Variants in ZNF423 observed in about 807,000 individuals in gnomAD.
ZNF423 encodes the protein Ebf-associated zinc finger protein.
In ZNF423, 12 loss-of-function variants were observed where a neutral mutation model predicts 95.8. The ratio of observed to expected loss-of-function variants is 0.13; its 90% confidence interval spans 0.08 to 0.20. The LOEUF (loss-of-function observed/expected upper bound fraction) is 0.20, where lower values mean the gene tolerates loss of function less well. ZNF423 is among the 10% of genes least tolerant of loss of function. ZNF423 has a pLI of 1.00. For synonymous variants in ZNF423, 749 were observed against 711.9 expected, an observed-to-expected ratio of 1.05 and a Z score of -0.83; for missense variants, 1,316 against 1,737.1, an observed-to-expected ratio of 0.76 and a Z score of 4.31.
rs1419556004 is a variant in ZNF423 at position 49,855,537 on chromosome 16, C to CGCT, written c.40+197_40+198insAGC. Among the ~76,000 whole-genome samples the CGCT allele has an allele frequency of 2.0e-5, 3 of 148,678 alleles. No homozygotes were observed. Among genetic ancestry groups the CGCT allele is most frequent in the African/African-American group, 7.5e-5 (3 of 40,152 alleles). On this transcript the variant is annotated intron_variant, in intron 1 of 7. Transcript: ENST00000563137. The surrounding 1 kb of genome is among the most constrained non-coding windows in gnomAD (Gnocchi z 4.7). ...CCGCCGCCGCCGCCGCCGCCGCCGC[C>CGCT]TCCGCCTCCTGCTCCCGGCTTCCTC...
At chr16:49,721,200 A>G (rs1273163892) in intron 3 of ZNF423, among the ~76,000 whole-genome samples, 2 of 152,154 alleles carry the variant, frequency 1.3e-5, no homozygotes, top group South Asian at 2.1e-4. Flanking sequence ...CTGCTTGTCA[A>G]TTTGAGCCAA....
At chr16:49,786,660 G>T (rs913985522) in intron 2 of ZNF423, among the ~76,000 whole-genome samples, 1 of 152,246 alleles carries the variant, frequency 6.6e-6, no homozygotes, top group African/African-American at 2.4e-5. Flanking sequence ...ATGCCAAGTG[G>T]TGCAGAGGTG....
chr16:49,519,653 C>T (rs1968306075), intron 7 of ZNF423, among the ~76,000 whole-genome samples: 1 of 152,208 alleles, frequency 6.6e-6, no homozygotes, highest in Non-Finnish European at 1.5e-5. Flanking sequence ...ATGTGATTTG[C>T]AAATATTTTC....
At chr16:49,627,072 C>G (rs1465156691) in intron 4 of ZNF423, among the ~76,000 whole-genome samples, 1 of 131,940 alleles carries the variant, frequency 7.6e-6, no homozygotes, top group Admixed American at 7.2e-5. Context: ...CATCCTCCAT[C>G]TACCCATCCA....
chr16:49,590,051 T>TATATATATATATATATATA (rs879296139), intron 5 of ZNF423, among the ~76,000 whole-genome samples: 45 of 134,046 alleles, frequency 3.4e-4, no homozygotes, highest in East Asian at 8.0e-4. Context: ...TATATATATA[T>TATATATATATATATATATA]TTGGTCCATA....
Position 49,597,160 on chromosome 16 carries a change from C to T in ZNF423, c.3601+29010G>A, listed in dbSNP as rs536925463. Among the ~76,000 whole-genome samples, 9 of 152,274 alleles carry T rather than the reference C, an allele frequency of 5.9e-5. No homozygotes were observed. In the South Asian group the frequency reaches 1.0e-3, roughly 18 times the overall value. On this transcript the variant is annotated intron_variant, in intron 5 of 7. Transcript: ENST00000563137. The stretch of plus-strand genomic sequence containing the variant: ...TGTTTCCAAACCACAAAAAGAGTAA[C>T]GCCACTGCCAATGTTCCCCAAGAGC...
intron 7 of ZNF423, among the ~76,000 whole-genome samples, chr16:49,519,529 T>C (rs766317985): frequency 6.6e-6 from 1 of 152,222 alleles, no homozygotes; most frequent in Non-Finnish European, 1.5e-5. Context: ...TCATTTTCTT[T>C]GGTGAGACAT....
chr16:49,512,375 G>C (rs1275310773), intron 7 of ZNF423, among the ~76,000 whole-genome samples: 2 of 152,198 alleles, frequency 1.3e-5, no homozygotes, highest in Admixed American at 1.3e-4. Context: ...AGCTTTTCAG[G>C]CATCACTGCC....
At chr16:49,521,790 T>G (rs1165842438) in intron 7 of ZNF423, among the ~76,000 whole-genome samples, 1 of 152,158 alleles carries the variant, frequency 6.6e-6, no homozygotes, top group Non-Finnish European at 1.5e-5. Flanking sequence ...AGCCCTGAGC[T>G]CAGCCTACCT....
chr16:49,676,483 CT>C (rs1567283307), intron 3 of ZNF423, among the ~76,000 whole-genome samples: 2 of 152,154 alleles, frequency 1.3e-5, no homozygotes, highest in African/African-American at 2.4e-5. Context: ...GACACATGGC[CT>C]TCACACAGGC....
chr16:49,507,768 G>C (rs1344527), intron 7 of ZNF423, among the ~76,000 whole-genome samples: 62,803 of 151,500 alleles, frequency 0.41, 13,459 homozygotes, highest in African/African-American at 0.54. Flanking sequence ...TGCAGAGGCA[G>C]CAATGGTTGC....
chr16:49,839,178 A>G (rs2035156076), intron 1 of ZNF423, among the ~76,000 whole-genome samples: 1 of 135,208 alleles, frequency 7.4e-6, no homozygotes, highest in Admixed American at 7.9e-5. Context: ...CCCAGGACCC[A>G]GATCCTACAA....
intron 3 of ZNF423, among the ~76,000 whole-genome samples, chr16:49,698,173 C>A (rs896091597): frequency 2.6e-5 from 4 of 152,142 alleles, no homozygotes; most frequent in Non-Finnish European, 5.9e-5. Context: ...GTGGGGTTTT[C>A]TTTTTCTGAC....
At chr16:49,559,418 C>T (rs1262330656) in intron 5 of ZNF423, among the ~76,000 whole-genome samples, 1 of 152,184 alleles carries the variant, frequency 6.6e-6, no homozygotes, top group Non-Finnish European at 1.5e-5. Flanking sequence ...CCTAATCTTT[C>T]TAGGAGGCCC....
chr16:49,608,443 T>C (rs1163100682), intron 5 of ZNF423, among the ~76,000 whole-genome samples: 2 of 152,236 alleles, frequency 1.3e-5, no homozygotes, highest in African/African-American at 4.8e-5. Context: ...CTCAGTTGCC[T>C]GTGCTGCTTC....
intron 2 of ZNF423, among the ~76,000 whole-genome samples, chr16:49,762,442 C>T (rs1165947077): frequency 1.3e-5 from 2 of 152,330 alleles, no homozygotes; most frequent in African/African-American, 2.4e-5. Flanking sequence ...GGCACAAAGA[C>T]CCCGAGTGAG....
At position 49,709,183 on chromosome 16, in the gene ZNF423, T is replaced by TATAA. The variant is rs58833331; in HGVS notation, c.301+21587_301+21588insTTAT. On this transcript the variant is annotated intron_variant, in intron 3 of 7. Transcript: ENST00000563137. The stretch of plus-strand genomic sequence containing the variant: ...CAGCAGCCGTTTATATATATATATA[T>TATAA]GAAAACGGAGCTTCGGAGCCCTGGG... Among the ~76,000 whole-genome samples, 146 of 145,364 alleles carry TATAA rather than the reference T, an allele frequency of 1.0e-3. 7 individuals carry two copies. The highest frequency in any genetic ancestry group is 3.7e-3 in the African/African-American group (140 of 38,070).
At chr16:49,626,589 T>C (rs1232200724) in intron 4 of ZNF423, among the ~76,000 whole-genome samples, 1 of 151,514 alleles carries the variant, frequency 6.6e-6, no homozygotes, top group African/African-American at 2.4e-5. Flanking sequence ...CATCCACCCA[T>C]CCATCCTCCA....
intron 5 of ZNF423, among the ~76,000 whole-genome samples, chr16:49,589,852 C>T (rs1205417069): frequency 1.3e-5 from 2 of 151,848 alleles, no homozygotes; most frequent in African/African-American, 4.8e-5. Flanking sequence ...GCACATTCCT[C>T]GCCATAACGA....
Sources: allele counts gnomAD v4.1 joint callset (sites outside exome capture counted in the v4.1 genomes callset), GRCh38; gene constraint gnomAD v4.1.1; non-coding constraint Gnocchi (gnomAD v3.1); transcripts MANE v1.5; gene names NCBI Gene and HGNC (gene_info 2026-07-23, HGNC 2026-07-21).